RABGAP1L: variants seen among roughly 807,000 people sequenced by gnomAD.
RABGAP1L encodes the protein RAB GTPase activating protein 1 like.
In RABGAP1L, 63 loss-of-function variants were observed where a neutral mutation model predicts 137.7. That is an observed-to-expected ratio of 0.46 (90% CI 0.37 to 0.56). The LOEUF (loss-of-function observed/expected upper bound fraction) is 0.56. Among genes scored for constraint, RABGAP1L ranks in the 20% least tolerant of loss-of-function variants. RABGAP1L has a pLI of 0.00. For synonymous variants in RABGAP1L, 431 were observed against 433.7 expected, an observed-to-expected ratio of 0.99 and a Z score of 0.08; for missense variants, 1,095 against 1,244.0, an observed-to-expected ratio of 0.88 and a Z score of 1.80.
At chr1:174,237,226 T>A (rs372973317) in intron 4 of RABGAP1L, among the ~76,000 whole-genome samples, 4 of 144,574 alleles carry the variant, frequency 2.8e-5, no homozygotes, top group South Asian at 4.7e-4. Flanking sequence ...CTTTATCCAA[T>A]TTGCCAGTCT....
chr1:174,217,034 G>A (rs1669386486), intron 1 of RABGAP1L, among the ~76,000 whole-genome samples: 1 of 152,092 alleles, frequency 6.6e-6, no homozygotes, highest in African/African-American at 2.4e-5. Context: ...GGACTAGAGT[G>A]GTAGTAGTAG....
intron 13 of RABGAP1L, among the ~76,000 whole-genome samples, chr1:174,603,296 C>T (rs574273686): frequency 3.6e-4 from 55 of 152,274 alleles, no homozygotes; most frequent in Middle Eastern, 3.4e-3. Flanking sequence ...TCTTTACTTT[C>T]TCCAAAGCAG....
intron 24 of RABGAP1L, among the ~76,000 whole-genome samples, chr1:174,985,961 C>T (rs59663317): frequency 0.17 from 25,867 of 151,124 alleles, 2,606 homozygotes; most frequent in Non-Finnish European, 0.23. Context: ...TTTTTTGAGA[C>T]GGGGTCTCGC....
chr1:174,516,920 CTG>C (rs1662911763), intron 13 of RABGAP1L, among the ~76,000 whole-genome samples: 1 of 122,960 alleles, frequency 8.1e-6, no homozygotes. Context: ...GAGCGAGACT[CTG>C]TCTCAAAAAT....
intron 1 of RABGAP1L, among the ~76,000 whole-genome samples, chr1:174,173,152 T>C (rs562051747): frequency 3.6e-4 from 54 of 151,758 alleles, no homozygotes; most frequent in African/African-American, 1.2e-3. Flanking sequence ...TTTTTTAAGA[T>C]GGAGTCTCAC....
intron 13 of RABGAP1L, among the ~76,000 whole-genome samples, chr1:174,567,432 T>C (rs1409284683): frequency 6.6e-6 from 1 of 152,176 alleles, no homozygotes; most frequent in African/African-American, 2.4e-5. Context: ...ATGCCTTATA[T>C]TTTAATTTAT....
chr1:174,736,549 C>T lies in RABGAP1L; in HGVS notation c.2170-15764C>T, dbSNP rs182428642. Among the ~76,000 whole-genome samples, 11 of 152,386 alleles carry T rather than the reference C, an allele frequency of 7.2e-5. No homozygotes were observed. In the East Asian group the frequency reaches 2.1e-3, roughly 29 times the overall value. On this transcript the variant is annotated intron_variant, in intron 17 of 25. Transcript: ENST00000681986. ...TGGTCTGAAGGGAAACAGCCTCTTT[C>T]CTGCAGCTTCACTAGGCAGTGCCCT...
intron 13 of RABGAP1L, among the ~76,000 whole-genome samples, chr1:174,504,059 G>T (rs139499105): frequency 2.0e-5 from 3 of 150,330 alleles, no homozygotes; most frequent in South Asian, 4.2e-4. Context: ...CACAAACGCC[G>T]CCTTCAGAGC....
Position 174,448,694 on chromosome 1 carries a change from A to G in RABGAP1L, c.1710+54549A>G. 6.2e-7 allele frequency: 1 copy of G among 1,614,052 alleles called. No individual in the cohort carries two copies. Among genetic ancestry groups the G allele is most frequent in the South Asian group, 1.1e-5 (1 of 91,074 alleles). ...TGGTGACATTTTTGAATGGTGTGCCACGTCTTGGCTCACCAGTGCCTATTT... is the reference window on the plus strand; with the variant it reads ...TGGTGACATTTTTGAATGGTGTGCCGCGTCTTGGCTCACCAGTGCCTATTT... On this transcript the variant is annotated intron_variant, in intron 13 of 25. Transcript: ENST00000681986. This position sits in a 1 kb window ranked among gnomAD's most constrained non-coding sequence, Gnocchi z 4.2.
At position 174,990,109 on chromosome 1, in the gene RABGAP1L, C is replaced by A; in HGVS notation, c.*108C>A. On this transcript the variant is annotated 3_prime_UTR_variant, in exon 26 of 26. Transcript: ENST00000681986. Reference sequence around the variant, plus strand: ...AAAGTCAAGGAGGCCAGAAAACAAGCCAGAATTTTTCAGTAGCTCTCACTC... The same window carrying A: ...AAAGTCAAGGAGGCCAGAAAACAAGACAGAATTTTTCAGTAGCTCTCACTC... The A allele has an allele frequency of 1.5e-6, 2 of 1,344,276 alleles. No homozygotes were observed. Among genetic ancestry groups the A allele is most frequent in the Non-Finnish European group, 2.0e-6 (2 of 1,000,368 alleles). The allele number at this position is 1,344,276 out of a possible 1,614,324, so 83.3% of individuals were successfully genotyped here.
chr1:174,527,196 T>C (rs1663950312), intron 13 of RABGAP1L, among the ~76,000 whole-genome samples: 1 of 140,408 alleles, frequency 7.1e-6, no homozygotes, highest in Admixed American at 7.1e-5. Context: ...ACATATGATT[T>C]TTATTTTGTT....
chr1:174,888,533 C>G (rs1655565286), intron 19 of RABGAP1L, among the ~76,000 whole-genome samples: 1 of 152,162 alleles, frequency 6.6e-6, no homozygotes, highest in South Asian at 2.1e-4. Flanking sequence ...CCTATAACTT[C>G]CCTATGTCAG....
chr1:174,927,681 A>G (rs1414792207), intron 19 of RABGAP1L, among the ~76,000 whole-genome samples: 1 of 152,232 alleles, frequency 6.6e-6, no homozygotes, highest in Non-Finnish European at 1.5e-5. Context: ...CATCCCGAGT[A>G]GCTAGGACTA....
chr1:174,203,572 A>T (rs1212062026), intron 1 of RABGAP1L, among the ~76,000 whole-genome samples: 1 of 151,982 alleles, frequency 6.6e-6, no homozygotes, highest in Non-Finnish European at 1.5e-5. Context: ...TTTGCTTAGG[A>T]TTTCTCTGGC....
At chr1:174,422,810 G>T (rs2149169966) in intron 13 of RABGAP1L, among the ~76,000 whole-genome samples, 1 of 152,076 alleles carries the variant, frequency 6.6e-6, no homozygotes, top group East Asian at 1.9e-4. Context: ...TAGCTGGTGT[G>T]ATAGCACACA....
chr1:174,574,461 A>C lies in RABGAP1L; in HGVS notation c.1711-62914A>C, dbSNP rs574296624. On this transcript the variant is annotated intron_variant, in intron 13 of 25. Transcript: ENST00000681986. ...CATAGTATTCTTAGGTCTTAGGTCT[A>C]GTCTTTTTATTCTTCGATGAAACAG... Among the ~76,000 whole-genome samples the C allele has an allele frequency of 3.9e-5, 6 of 152,266 alleles. No individual in the cohort carries two copies. In the South Asian group the frequency reaches 1.2e-3, roughly 32 times the overall value.
chr1:174,630,588 C>T (rs1232184373), intron 13 of RABGAP1L, among the ~76,000 whole-genome samples: 2 of 100,728 alleles, frequency 2.0e-5, no homozygotes, highest in South Asian at 3.9e-4. Flanking sequence ...TTGGTCTATT[C>T]AGAGATTCAA....
chr1:174,728,782 C>T (rs1391893640), intron 17 of RABGAP1L, among the ~76,000 whole-genome samples: 1 of 152,026 alleles, frequency 6.6e-6, no homozygotes, highest in Non-Finnish European at 1.5e-5. Context: ...GCTGGGACTA[C>T]AGGCGCAAGC....
intron 13 of RABGAP1L, among the ~76,000 whole-genome samples, chr1:174,426,574 A>C (rs756312084): frequency 1.3e-5 from 2 of 152,104 alleles, no homozygotes; most frequent in Non-Finnish European, 2.9e-5. Flanking sequence ...CTTTATATAT[A>C]ATGAAAGAAG....
Sources: gnomAD v4.1 joint callset for allele counts (sites outside exome capture counted in the v4.1 genomes callset) on GRCh38, gnomAD v4.1.1 for gene constraint, Gnocchi (gnomAD v3.1) non-coding constraint, MANE v1.5 for transcripts, NCBI Gene and HGNC (gene_info 2026-07-23, HGNC 2026-07-21) for gene names.